SHPRH: variants seen among roughly 807,000 people sequenced by gnomAD.
SHPRH encodes the protein SNF2 histone linker PHD RING helicase.
Under a neutral mutation model 202.5 loss-of-function variants are expected in SHPRH, and 106 were observed. The ratio of observed to expected loss-of-function variants is 0.52; its 90% CI spans 0.45 to 0.62. SHPRH has a LOEUF of 0.62. SHPRH is among the 20% of genes least tolerant of loss of function. The pLI is 0.00. For synonymous variants in SHPRH, 729 were observed against 686.0 expected, an observed-to-expected ratio of 1.06 and a Z score of -0.98; for missense variants, 1,710 against 2,020.0, an observed-to-expected ratio of 0.85 and a Z score of 2.94.
chr6:145,951,691 G>T, intron 3 of SHPRH: 1 of 419,070 alleles, frequency 2.4e-6, no homozygotes, highest in Non-Finnish European at 4.9e-6. Context: ...GCATTGCAAA[G>T]AATGTACTAG....
At position 145,919,469 on chromosome 6, in the gene SHPRH, G is replaced by C; in HGVS notation, c.4031C>G (p.Ala1344Gly). ...EYKLLHEYWM[A>G]LRNRVSAVDE... ...AACAGCAGACACACGATTCCTCAGA[G>C]CCATCCAATATTCATGAAGCAACTG... The change falls in exon 22 of 30, where the codon GCT (alanine) becomes GGT (glycine). Residue 1344 changes from alanine to glycine, a missense_variant. By Grantham distance (60) the Ala-to-Gly change is moderately conservative. Around this residue, in one of 8 missense-constraint regions of SHPRH, gnomAD observed 306 missense variants for 479.5 expected, o/e 0.64. Coordinates refer to ENST00000275233, the MANE Select transcript of SHPRH (RefSeq NM_001042683.3). 3.1e-6 allele frequency: 5 copies of C among 1,612,824 alleles called. No individual in the cohort carries two copies. The highest frequency in any genetic ancestry group is 4.2e-6 in the Non-Finnish European group (5 of 1,179,262).
intron 25 of SHPRH, chr6:145,908,134 T>C (rs1783143336): frequency 6.6e-6 from 1 of 152,218 alleles, no homozygotes; most frequent in African/African-American, 2.4e-5. Context: ...ATGGTGCATA[T>C]GTACTATATT....
intron 2 of SHPRH, among the ~76,000 whole-genome samples, chr6:145,870,045 AT>A (rs1779985074): frequency 1.3e-5 from 2 of 151,504 alleles, no homozygotes; most frequent in African/African-American, 4.8e-5. Context: ...AGTTTTTCTC[AT>A]GTAGATATTG....
In SHPRH at chr6:145,922,276, G is replaced by C; in HGVS notation, c.3782+10C>G. ...TTTCTTGATGGGTAATAATCAAATA[G>C]AGAACTTACGTGTTGGAAAATAGCT... On this transcript the variant is annotated intron_variant, in intron 20 of 29. Transcript: ENST00000275233. 1 of 1,580,138 alleles carries C rather than the reference G, an allele frequency of 6.3e-7. No homozygotes were observed. Among genetic ancestry groups the C allele is most frequent in the South Asian group, 1.2e-5 (1 of 86,324 alleles).
chr6:145,864,932 AACACACACACTCAC>A (rs1341801079), intron 2 of SHPRH, among the ~76,000 whole-genome samples: 136 of 133,952 alleles, frequency 1.0e-3, no homozygotes, highest in East Asian at 6.4e-3. Context: ...AAAATTTATA[AACACACACACTCAC>A]ACACACACAC....
chr6:145,862,467 AC>A (rs1176753672), downstream of SHPRH, among the ~76,000 whole-genome samples: 6 of 151,592 alleles, frequency 4.0e-5, no homozygotes, highest in African/African-American at 1.5e-4. Context: ...ACAACAAAAA[AC>A]AAAAAGAAAA....
chr6:145,917,375 T>G (rs533630433), intron 23 of SHPRH: 1 of 152,268 alleles, frequency 6.6e-6, no homozygotes, highest in South Asian at 2.1e-4. Context: ...CGATTCAAAA[T>G]TGGGCTGTCC....
Position 145,947,552 on chromosome 6 carries a change from C to A in SHPRH, c.1153G>T (p.Ala385Ser). The stretch of plus-strand genomic sequence containing the variant: ...TGTCGAGTATGTGTCAGAATCAGAG[C>A]CAAAACCTCCACTGTCTTTCCAAGA... ...MGLGKTVEVL[A>S]LILTHTRQDV... The change falls in exon 6 of 30, where the codon GCT becomes TCT. Residue 385 changes from alanine to serine, a missense_variant. Transcript: ENST00000275233. The A allele has an allele frequency of 6.2e-7, 1 of 1,612,914 alleles. No homozygotes were observed. Among genetic ancestry groups the A allele is most frequent in the Non-Finnish European group, 8.5e-7 (1 of 1,179,318 alleles).
intron 21 of SHPRH, among the ~76,000 whole-genome samples, chr6:145,920,549 G>A (rs1784354824): frequency 7.0e-6 from 1 of 143,500 alleles, no homozygotes; most frequent in East Asian, 2.1e-4. Context: ...TTTTAAAAAA[G>A]AAATTGAATA....
rs567427537 is a variant in SHPRH at position 145,943,304 on chromosome 6, C to T, written c.2077G>A (p.Glu693Lys). ...WQHAKCVNYD[E>K]KNLKIKPFYC... ...AAAGGCTTGATCTTCAGATTTTTCT[C>T]ATCATAATTCACACACTTTGCATGT... Residue 693 changes from glutamate to lysine, a missense_variant, in exon 9 of 30, where the codon GAG (glutamate) becomes AAG (lysine). By Grantham distance (56) the Glu-to-Lys change is moderately conservative. Transcript: ENST00000275233. The T allele has an allele frequency of 1.9e-6, 3 of 1,613,790 alleles. No individual in the cohort carries two copies. Among genetic ancestry groups the T allele is most frequent in the East Asian group, 2.2e-5 (1 of 44,840 alleles).
intron 1 of SHPRH, among the ~76,000 whole-genome samples, chr6:145,962,778 C>T (rs1342435816): frequency 6.6e-6 from 1 of 152,168 alleles, no homozygotes; most frequent in African/African-American, 2.4e-5. Context: ...AAATGAAGCC[C>T]ACTCATTACT....
downstream of SHPRH, chr6:145,883,836 T>C (rs1352658835): frequency 6.6e-6 from 1 of 152,178 alleles, no homozygotes. Flanking sequence ...TGCATTTGTA[T>C]GCCAGTTAAA....
chr6:145,877,731 TGA>T (rs1190826647), intron 2 of SHPRH: 1 of 152,238 alleles, frequency 6.6e-6, no homozygotes, highest in African/African-American at 2.4e-5. Context: ...GTCTGCCATC[TGA>T]GAGATTCTTC....
At chr6:145,945,698 T>G (rs761092687) in intron 7 of SHPRH, 61 bp from the exon 8 acceptor site, 2 of 1,483,622 alleles carry the variant, frequency 1.3e-6, no homozygotes, top group African/African-American at 2.8e-5. Context: ...AAAGTAAAAC[T>G]TGGTTAATCT....
chr6:145,861,207 G>A (rs1400811217), downstream of SHPRH, among the ~76,000 whole-genome samples: 1 of 151,996 alleles, frequency 6.6e-6, no homozygotes, highest in Non-Finnish European at 1.5e-5. Context: ...GGGAATGGGG[G>A]AAAATGTTTG....
In SHPRH at chr6:145,943,347, C is replaced by A; in HGVS notation, c.2034G>T (p.Leu678=). 6.2e-7 allele frequency: 1 copy of A among 1,613,934 alleles called. No homozygotes were observed. Among genetic ancestry groups the A allele is most frequent in the Non-Finnish European group, 8.5e-7 (1 of 1,179,950 alleles). Residue 678 remains leucine (L), a synonymous_variant, in exon 9 of 30, where the codon CTG becomes CTT. Coordinates refer to ENST00000275233, the MANE Select transcript of SHPRH (RefSeq NM_001042683.3). ...QIDRKPRVQC[L]KCHLWQHAKC... is the part of the protein sequence containing the mutation. ...TTGCATGTTGCCACAGGTGACACTT[C>A]AGGCATTGAACACGAGGCTTACGAT...
intron 4 of SHPRH, 40 bp from the exon 5 acceptor site, chr6:145,948,390 C>T: frequency 6.7e-7 from 1 of 1,496,888 alleles, no homozygotes; most frequent in South Asian, 1.2e-5. Flanking sequence ...TTTTTGTTTT[C>T]CCTTCAGTCA....
intron 25 of SHPRH, among the ~76,000 whole-genome samples, chr6:145,895,600 A>AT (rs1443956736): frequency 6.6e-6 from 1 of 151,674 alleles, no homozygotes; most frequent in Non-Finnish European, 1.5e-5. Flanking sequence ...TGAAAAAATG[A>AT]TTTTTAAAAT....
intron 29 of SHPRH, among the ~76,000 whole-genome samples, chr6:145,887,717 T>C (rs1781197483): frequency 6.6e-6 from 1 of 152,028 alleles, no homozygotes; most frequent in Non-Finnish European, 1.5e-5. Flanking sequence ...GTGTTTTTAG[T>C]AGAGATGGGG....
Sources: gnomAD v4.1 joint callset for allele counts (sites outside exome capture counted in the v4.1 genomes callset) on GRCh38, gnomAD v4.1.1 for gene constraint, gnomAD v4.1.1 regional missense constraint, MANE v1.5 for transcripts, NCBI Gene and HGNC (gene_info 2026-07-23, HGNC 2026-07-21) for gene names.